Variants in NCOR1 observed in about 807,000 individuals in gnomAD.
NCOR1 encodes the protein nuclear receptor corepressor 1.
NCOR1 carries 63 observed loss-of-function variants against 288.1 expected under a neutral mutation model. The observed-to-expected ratio is 0.22, with a 90% CI of 0.18 to 0.27. The LOEUF is 0.27. Ranked by LOEUF, NCOR1 falls within the 10% of genes least tolerant of loss-of-function variation. The probability of loss-of-function intolerance (pLI) is 1.00; values close to 1 mark genes in which losing one functional copy is unlikely to be tolerated. For synonymous variants in NCOR1, 1,007 were observed against 1,065.9 expected (o/e 0.94, Z 1.08); for missense variants, 2,397 against 3,019.2 (o/e 0.79, Z 4.83).
intron 5 of NCOR1, among the ~76,000 whole-genome samples, chr17:16,163,244 G>A (rs1467189271): frequency 5.3e-5 from 8 of 152,126 alleles, no homozygotes. Flanking sequence ...CCCACAGAAT[G>A]AGAGAAAATA....
chr17:16,203,040 T>TACACACACACACACAC (rs57228948), intron 1 of NCOR1, among the ~76,000 whole-genome samples: 144 of 147,046 alleles, frequency 9.8e-4, no homozygotes, highest in African/African-American at 3.4e-3. Flanking sequence ...AGCTGTTCCT[T>TACACACACACACACAC]ACACACACAC....
chr17:16,171,741 G>C, intron 4 of NCOR1, 62 bp downstream of exon 4: 1 of 1,352,566 alleles, frequency 7.4e-7, no homozygotes, highest in Non-Finnish European at 9.8e-7. Context: ...TGCTATGCAT[G>C]AGTATAACTA....
At position 16,070,306 on chromosome 17, in the gene NCOR1, C is replaced by T. The variant is rs766188370; in HGVS notation, c.4372G>A (p.Val1458Ile). The T allele has an allele frequency of 1.2e-5, 19 of 1,613,972 alleles. No homozygotes were observed. In the East Asian group the frequency reaches 1.3e-4, roughly 11 times the overall value. ...GCTTCATGCAGTGTGGACCTAAGAACGGAGGGGCCAGAGCTTACCACTGAC... is the reference window on the plus strand; with the variant it reads ...GCTTCATGCAGTGTGGACCTAAGAATGGAGGGGCCAGAGCTTACCACTGAC... ...HTSVVSSGPS[V>I]LRSTLHEAPK... is the part of the protein sequence containing the mutation. The change falls in exon 31 of 46, where the codon GTT becomes ATT. Residue 1458 changes from valine (V) to isoleucine (I), a missense_variant. Val to Ile is a conservative substitution (Grantham distance 29). Around this residue, in one of 11 missense-constraint regions of NCOR1, gnomAD observed 1,872 missense variants for 2,187.8 expected, o/e 0.86. Transcript: ENST00000268712.
rs150513105 is a variant in NCOR1, at chr17:16,080,470, C to T, written c.3338G>A (p.Arg1113Gln). 3.3e-4 allele frequency: 526 copies of T among 1,614,038 alleles called. 4 individuals are homozygous for T. The East Asian group carries it at 9.2e-3, about 28-fold the overall frequency. ...PYIKQEEFSP[R>Q]SQNSQPEGLL... ...ACCCTCAGGTTGTGAGTTTTGGCTTCGGGGAGAAAATTCTTCCTGCTTGAT... is the reference window on the plus strand; with the variant it reads ...ACCCTCAGGTTGTGAGTTTTGGCTTTGGGGAGAAAATTCTTCCTGCTTGAT... The change falls in exon 25 of 46, where the codon CGA (arginine) becomes CAA (glutamine). Residue 1113 changes from arginine (R) to glutamine (Q), a missense_variant. Around this residue, in one of 11 missense-constraint regions of NCOR1, gnomAD observed 1,872 missense variants for 2,187.8 expected, o/e 0.86. Coordinates refer to ENST00000268712, the MANE Select transcript of NCOR1 (RefSeq NM_006311.4).
At chr17:16,140,551 C>T (rs967885353) in intron 11 of NCOR1, among the ~76,000 whole-genome samples, 5 of 152,130 alleles carry the variant, frequency 3.3e-5, no homozygotes, top group African/African-American at 1.2e-4. Flanking sequence ...GGGTGGCTCA[C>T]ACCTGTAATC....
intron 14 of NCOR1, among the ~76,000 whole-genome samples, chr17:16,131,371 T>C (rs1234798637): frequency 2.0e-5 from 3 of 152,094 alleles, no homozygotes; most frequent in Non-Finnish European, 4.4e-5. Context: ...TTCAGTTTCA[T>C]ATGGGTCCCC....
intron 9 of NCOR1, among the ~76,000 whole-genome samples, chr17:16,148,774 T>C (rs1263421596): frequency 6.6e-6 from 1 of 150,994 alleles, no homozygotes; most frequent in African/African-American, 2.4e-5. Flanking sequence ...ATAAAGCTGC[T>C]GACTCTTGAG....
In NCOR1 at chr17:16,061,761, C is replaced by T; in HGVS notation, c.5521G>A (p.Glu1841Lys). ...AACCTGGCAGCTTCATGCTTACTCT[C>T]TTTTGTTTTGGACACATCCATCTGG... Reference protein sequence around the residue: ...APQMDVSKTKESKHEAARLEE... With the variant: ...APQMDVSKTKKSKHEAARLEE... Residue 1841 changes from glutamate (E) to lysine (K), a missense_variant, in exon 37 of 46, where the codon GAG (glutamate) becomes AAG (lysine). Glu to Lys is a moderately conservative substitution (Grantham distance 56, BLOSUM62 1). Transcript: ENST00000268712. The T allele has an allele frequency of 6.2e-7, 1 of 1,614,268 alleles. No homozygotes were observed. Among genetic ancestry groups the T allele is most frequent in the Non-Finnish European group, 8.5e-7 (1 of 1,180,046 alleles).
intron 43 of NCOR1, 87 bp from the exon 44 acceptor site, chr17:16,039,741 C>T (rs562298609): frequency 3.6e-5 from 43 of 1,194,044 alleles, no homozygotes; most frequent in South Asian, 1.5e-4. Flanking sequence ...CCACTGAATA[C>T]ACACAGCACT....
Position 16,057,502 on chromosome 17 carries a change from TA to T in NCOR1, c.6392+11del. 6.2e-7 allele frequency: 1 copy of T among 1,609,304 alleles called. No individual in the cohort carries two copies. Among genetic ancestry groups the T allele is most frequent in the Non-Finnish European group, 8.5e-7 (1 of 1,175,624 alleles). ...TGGGCAATTTATATATAATTTGGAATAAAGATCATACCTTCCCCTGGATTTG... is the reference window on the plus strand; with the variant it reads ...TGGGCAATTTATATATAATTTGGAATAAGATCATACCTTCCCCTGGATTTG... On this transcript the variant is annotated intron_variant, in intron 40 of 45. Transcript: ENST00000268712.
At position 16,091,995 on chromosome 17, in the gene NCOR1, G is replaced by C; in HGVS notation, c.2884C>G (p.Arg962Gly). ...GACTCATGCATTGCTTTAATGTGTC[G>C]CTGGTAGAGAGCATAGCCGCTCACT... ...TPVSGYALYQ[R>G]HIKAMHESAL... The change falls in exon 22 of 46, where the codon CGA (arginine) becomes GGA (glycine). Residue 962 changes from arginine to glycine, a missense_variant. Transcript: ENST00000268712. 6.2e-7 allele frequency: 1 copy of C among 1,614,130 alleles called. No homozygotes were observed. Among genetic ancestry groups the C allele is most frequent in the Non-Finnish European group, 8.5e-7 (1 of 1,180,014 alleles).
intron 23 of NCOR1, among the ~76,000 whole-genome samples, chr17:16,085,817 G>C (rs1215376527): frequency 6.6e-6 from 1 of 152,176 alleles, no homozygotes; most frequent in Non-Finnish European, 1.5e-5. Flanking sequence ...AAAACTGATG[G>C]AACTGTGAAG....
At chr17:16,190,056 C>T (rs893320100) in intron 2 of NCOR1, among the ~76,000 whole-genome samples, 2 of 152,078 alleles carry the variant, frequency 1.3e-5, no homozygotes, top group Admixed American at 1.3e-4. Flanking sequence ...ACAGTGAGAG[C>T]CCATCTCTAT....
In NCOR1 at chr17:16,137,219, A is replaced by G. The variant is rs1260669118; in HGVS notation, c.1509+92T>C. On this transcript the variant is annotated intron_variant, in intron 14 of 45. Coordinates refer to ENST00000268712, the MANE Select transcript of NCOR1 (RefSeq NM_006311.4). ...TAACAGAAACATCAATGTTTAAACT[A>G]CACACTAAGGGCAGGACTTCTGTTT... is the stretch of plus-strand genomic sequence containing the variant. 4.4e-6 allele frequency: 3 copies of G among 676,438 alleles called. No homozygotes were observed. In the Admixed American group the frequency reaches 1.0e-4, roughly 23 times the overall value. The allele number at this position is 676,438 out of a possible 1,614,324, so 41.9% of individuals were successfully genotyped here. A position where few individuals can be genotyped will look rare whatever the true frequency, so the allele number is the denominator to read the frequency against.
chr17:16,063,489 A>C (rs2060770243), intron 35 of NCOR1, among the ~76,000 whole-genome samples: 1 of 152,246 alleles, frequency 6.6e-6, no homozygotes, highest in Admixed American at 6.5e-5. Context: ...AGCTTATCTG[A>C]GTATTTCTAT....
chr17:16,084,091 A>T (rs2063835496), intron 23 of NCOR1: 1 of 152,344 alleles, frequency 6.6e-6, no homozygotes, highest in East Asian at 1.9e-4. Flanking sequence ...CCTTGACTGG[A>T]TCTACCCCGC....
At chr17:16,158,326 A>G (rs2080161406) in intron 6 of NCOR1, among the ~76,000 whole-genome samples, 1 of 152,190 alleles carries the variant, frequency 6.6e-6, no homozygotes, top group Non-Finnish European at 1.5e-5. Context: ...ACTGTGAACT[A>G]ATGCTGATAA....
At chr17:16,113,070 C>A (rs2070673981) in intron 18 of NCOR1, among the ~76,000 whole-genome samples, 1 of 151,698 alleles carries the variant, frequency 6.6e-6, no homozygotes, top group South Asian at 2.1e-4. Context: ...ACCACCATGG[C>A]CGGCTAACAT....
intron 3 of NCOR1, among the ~76,000 whole-genome samples, chr17:16,175,443 C>T (rs1295451240): frequency 6.6e-6 from 1 of 151,788 alleles, no homozygotes; most frequent in Non-Finnish European, 1.5e-5. Flanking sequence ...TTTGTCATCT[C>T]GTAACACCAT....
Sources: gnomAD v4.1 joint callset for allele counts (sites outside exome capture counted in the v4.1 genomes callset) on GRCh38, gnomAD v4.1.1 for gene constraint, gnomAD v4.1.1 regional missense constraint, MANE v1.5 for transcripts, NCBI Gene and HGNC (gene_info 2026-07-23, HGNC 2026-07-21) for gene names.